CABIN1: variants seen among roughly 807,000 people sequenced by gnomAD.
CABIN1 encodes calcineurin-binding protein cabin-1.
CABIN1 carries 133 observed loss-of-function variants against 227.7 expected under a neutral mutation model. That is an observed-to-expected ratio of 0.58 (90% CI 0.51 to 0.67). CABIN1 has a LOEUF of 0.67. Ranked by LOEUF, CABIN1 falls within the 30% of genes least tolerant of loss-of-function variation. The pLI is 0.00. For missense variants in CABIN1, 2,408 were observed against 2,852.5 expected (o/e 0.84, Z 3.55); for synonymous variants, 1,086 against 1,155.1 (o/e 0.94, Z 1.21).
In CABIN1 at chr22:24,176,275, G is replaced by A. The variant is rs1372904865; in HGVS notation, c.6205G>A (p.Glu2069Lys). Residue 2069 changes from glutamate to lysine, a missense_variant and splice_region_variant, in exon 35 of 37, where the codon GAG becomes AAG. Physicochemically the swap from Glu to Lys is moderately conservative, Grantham distance 56. This residue lies in a region of CABIN1 where 714 missense variants were observed against 773.8 expected (regional missense o/e 0.92). Transcript: ENST00000263119. Reference protein sequence around the residue: ...GTGAEPTCSQEGKLRPEPRRD... With the variant: ...GTGAEPTCSQKGKLRPEPRRD... ...AGGCGCTGAGCCCACCTGCAGCCAG[G>A]GTAAGGCGAGTTGGGAGCAGCCCAG... is the stretch of plus-strand genomic sequence containing the variant. 17 of 1,597,174 alleles carry A rather than the reference G, an allele frequency of 1.1e-5. No homozygotes were observed. The highest frequency in any genetic ancestry group is 1.4e-5 in the Non-Finnish European group (17 of 1,174,374).
intron 33 of CABIN1, among the ~76,000 whole-genome samples, chr22:24,170,869 C>T (rs1480488975): frequency 6.6e-6 from 1 of 150,516 alleles, no homozygotes; most frequent in Non-Finnish European, 1.5e-5. Flanking sequence ...TCCCACAGTA[C>T]AGTCAGCCTG....
chr22:24,108,703 T>C (rs572743325), intron 26 of CABIN1, among the ~76,000 whole-genome samples: 146 of 152,246 alleles, frequency 9.6e-4, no homozygotes, highest in Middle Eastern at 6.8e-3. Flanking sequence ...TGATGAGACA[T>C]GGGTAAAGAG....
intron 3 of CABIN1, among the ~76,000 whole-genome samples, chr22:24,036,874 G>A (rs1177790521): frequency 6.6e-6 from 1 of 152,120 alleles, no homozygotes; most frequent in African/African-American, 2.4e-5. Flanking sequence ...ATGTCAGTGA[G>A]GCTCAACCTA....
intron 27 of CABIN1, among the ~76,000 whole-genome samples, chr22:24,117,758 T>C (rs747548172): frequency 1.3e-5 from 2 of 152,220 alleles, no homozygotes; most frequent in African/African-American, 2.4e-5. Context: ...TGTGTCTTTG[T>C]GTCCAAGCTC....
chr22:24,150,912 G>A (rs2045442535), intron 29 of CABIN1, among the ~76,000 whole-genome samples: 1 of 152,208 alleles, frequency 6.6e-6, no homozygotes, highest in East Asian at 1.9e-4. Context: ...GTAATGGAGG[G>A]TGCTATGCTT....
chr22:24,065,719 G>C (rs1343353270), intron 15 of CABIN1, among the ~76,000 whole-genome samples: 1 of 152,268 alleles, frequency 6.6e-6, no homozygotes, highest in East Asian at 1.9e-4. Flanking sequence ...GCACCATTGA[G>C]CACTGAGTGA....
At chr22:24,072,647 G>A (rs1270216367) in intron 18 of CABIN1, 137 bp downstream of exon 18, 17 of 1,073,038 alleles carry the variant, frequency 1.6e-5, no homozygotes, top group Middle Eastern at 2.4e-4. Context: ...TTTTGCATGC[G>A]CTTGGACAGA....
intron 15 of CABIN1, among the ~76,000 whole-genome samples, chr22:24,066,223 T>G (rs1252679349): frequency 1.3e-5 from 2 of 152,202 alleles, no homozygotes; most frequent in African/African-American, 4.8e-5. Flanking sequence ...TGTAGTACAC[T>G]GGGACACTGC....
intron 29 of CABIN1, among the ~76,000 whole-genome samples, chr22:24,141,280 GC>G (rs936006735): frequency 1.2e-4 from 19 of 152,236 alleles, no homozygotes; most frequent in African/African-American, 3.6e-4. Flanking sequence ...TTTCTGTGAG[GC>G]CTGGCCCAGT....
intron 34 of CABIN1, among the ~76,000 whole-genome samples, chr22:24,174,883 C>T (rs1235988966): frequency 6.6e-6 from 1 of 152,030 alleles, no homozygotes; most frequent in African/African-American, 2.4e-5. Context: ...ACTGAGATCT[C>T]TGTAGGCCAC....
intron 18 of CABIN1, among the ~76,000 whole-genome samples, chr22:24,075,319 A>T (rs1224815778): frequency 6.6e-6 from 1 of 152,250 alleles, no homozygotes; most frequent in Non-Finnish European, 1.5e-5. Context: ...TTAATGGGTT[A>T]TGGCCCAGAG....
At chr22:24,171,586 T>A in intron 33 of CABIN1, 127 bp from the exon 34 acceptor site, 3 of 1,051,378 alleles carry the variant, frequency 2.9e-6, no homozygotes, top group Non-Finnish European at 2.9e-6. Context: ...TGGTGCCATA[T>A]GGGCAGTGTT....
At chr22:24,014,433 T>TA (rs1256161625) in intron 1 of CABIN1, among the ~76,000 whole-genome samples, 1 of 151,888 alleles carries the variant, frequency 6.6e-6, no homozygotes, top group East Asian at 1.9e-4. Flanking sequence ...TTTTTTTTTT[T>TA]CCTTCAAGCA....
At chr22:24,143,940 C>A (rs779525802) in intron 29 of CABIN1, among the ~76,000 whole-genome samples, 1 of 152,192 alleles carries the variant, frequency 6.6e-6, no homozygotes, top group Non-Finnish European at 1.5e-5. Context: ...AGTGCCACTC[C>A]CCAACTGGTT....
intron 28 of CABIN1, among the ~76,000 whole-genome samples, chr22:24,120,238 C>T (rs146472566): frequency 1.3e-5 from 2 of 152,328 alleles, no homozygotes; most frequent in African/African-American, 4.8e-5. Flanking sequence ...ATCTTCACAG[C>T]CTCTGCTTCA....
Position 24,035,995 on chromosome 22 carries a change from AT to A in CABIN1, c.4-93del, listed in dbSNP as rs377140488. The A allele has an allele frequency of 2.3e-4, 202 of 859,766 alleles. 2 individuals carry two copies. In the East Asian group the frequency reaches 2.4e-3, roughly 10 times the overall value. 53.3% of individuals were successfully genotyped at this position (859,766 alleles called of 1,614,324 possible). ...AGCTTTTCAAGGTAGAATAGATCAT[AT>A]GCTGGAGCAGAATTGTATTCATCTG... On this transcript the variant is annotated intron_variant, in intron 2 of 36. Coordinates refer to ENST00000263119, the MANE Select transcript of CABIN1 (RefSeq NM_012295.4).
Position 24,056,206 on chromosome 22 carries a change from G to A in CABIN1, c.1108G>A (p.Gly370Arg). Residue 370 changes from glycine to arginine, a missense_variant, in exon 10 of 37, where the codon GGA becomes AGA. This residue lies in a region of CABIN1 where 1,045 missense variants were observed against 1,168.4 expected (regional missense o/e 0.89). Transcript: ENST00000263119. ...TGAPVGDISG[G>R]DKSKKGVKRK... ...TCTTTGTGAAGGTGATATTTCTGGG[G>A]GAGATAAATCCAAGAAAGGGGTAAA... The A allele has an allele frequency of 6.2e-7, 1 of 1,613,844 alleles. No individual in the cohort carries two copies. Among genetic ancestry groups the A allele is most frequent in the Middle Eastern group, 1.6e-4 (1 of 6,062 alleles).
rs764314519 is a variant in CABIN1, at chr22:24,076,170, G to A, written c.2634G>A (p.Gly878=). 6.2e-7 allele frequency: 1 copy of A among 1,613,674 alleles called. No individual in the cohort carries two copies. Among genetic ancestry groups the A allele is most frequent in the African/African-American group, 1.3e-5 (1 of 75,052 alleles). Residue 878 remains glycine, a splice_region_variant and synonymous_variant, in exon 19 of 37, where the codon GGG becomes GGA. Transcript: ENST00000263119. The part of the protein sequence containing the change: ...QQQLQNPAEE[G]MSETPMLPSS... ...TCTGTCGGCCTGGGCTTTCCCTAGGGATGTCAGAGACGCCCATGCTCCCAT... is the reference window on the plus strand; with the variant it reads ...TCTGTCGGCCTGGGCTTTCCCTAGGAATGTCAGAGACGCCCATGCTCCCAT...
At chr22:24,072,601 C>A in intron 18 of CABIN1, 91 bp downstream of exon 18, 1 of 1,460,186 alleles carries the variant, frequency 6.8e-7, no homozygotes, top group Non-Finnish European at 9.6e-7. Flanking sequence ...CTTATCCAGA[C>A]GTTGTGAGTG....
Sources: gnomAD v4.1 joint callset for allele counts (sites outside exome capture counted in the v4.1 genomes callset) on GRCh38, gnomAD v4.1.1 for gene constraint, gnomAD v4.1.1 regional missense constraint, MANE v1.5 for transcripts, NCBI Gene and HGNC (gene_info 2026-07-23, HGNC 2026-07-21) for gene names.